LRRIQ1: variants seen among roughly 807,000 people sequenced by gnomAD.
The protein encoded by LRRIQ1 is leucine-rich repeat- and IQ domain-containing protein 1.
In LRRIQ1, 210 loss-of-function variants were observed where a neutral mutation model predicts 211.9. The observed-to-expected ratio is 0.99, with a 90% CI of 0.89 to 1.11. LRRIQ1 has a LOEUF of 1.11. LRRIQ1 is among the 50% of genes most tolerant of loss of function. The probability of loss-of-function intolerance (pLI) is 0.00; values close to 1 mark genes in which losing one functional copy is unlikely to be tolerated. For synonymous variants in LRRIQ1, 699 were observed against 650.1 expected, an observed-to-expected ratio of 1.08 and a Z score of -1.14; for missense variants, 2,136 against 1,939.5, an observed-to-expected ratio of 1.10 and a Z score of -1.90.
chr12:85,086,456 G>A (rs1884827589), intron 11 of LRRIQ1, among the ~76,000 whole-genome samples: 1 of 152,042 alleles, frequency 6.6e-6, no homozygotes, highest in Non-Finnish European at 1.5e-5. Context: ...CATGTGACAT[G>A]CCTGCTCCCC....
intron 18 of LRRIQ1, among the ~76,000 whole-genome samples, chr12:85,134,144 A>G (rs1259340415): frequency 6.6e-6 from 1 of 152,126 alleles, no homozygotes; most frequent in African/African-American, 2.4e-5. Flanking sequence ...CCACTGCAGA[A>G]ATCTTGCTCT....
At chr12:85,133,234 A>G (rs1328224614) in intron 18 of LRRIQ1, among the ~76,000 whole-genome samples, 1 of 152,156 alleles carries the variant, frequency 6.6e-6, no homozygotes, top group Middle Eastern at 3.2e-3. Flanking sequence ...AATAATTTTG[A>G]CCTTTCTTGA....
At chr12:85,272,595 C>A in the LRRIQ1 span, among the ~76,000 whole-genome samples, 4 of 147,520 alleles carry the variant, frequency 2.7e-5, no homozygotes, top group East Asian at 2.0e-4. Context: ...TTTTTTTTTT[C>A]TTTTGGTAAC....
intron 10 of LRRIQ1, among the ~76,000 whole-genome samples, chr12:85,071,819 A>AT (rs1449068844): frequency 6.6e-6 from 1 of 152,002 alleles, no homozygotes; most frequent in Non-Finnish European, 1.5e-5. Context: ...ATCTTGTGAG[A>AT]CTTATTCACT....
At chr12:85,102,959 A>AATATATATATATATATATATATAT (rs1197049295) in intron 13 of LRRIQ1, among the ~76,000 whole-genome samples, 1 of 108,498 alleles carries the variant, frequency 9.2e-6, no homozygotes, top group African/African-American at 4.2e-5. Context: ...AAAAAAAAAA[A>AATATATATATATATATATATATAT]ATATATATAT....
At chr12:85,188,711 G>A (rs1037552270) in intron 24 of LRRIQ1, among the ~76,000 whole-genome samples, 5 of 152,022 alleles carry the variant, frequency 3.3e-5, no homozygotes, top group African/African-American at 1.2e-4. Context: ...AAAACCCCTT[G>A]CAAGTTTACA....
chr12:85,127,711 AT>A, intron 17 of LRRIQ1, 120 bp from the exon 18 acceptor site: 1 of 779,000 alleles, frequency 1.3e-6, no homozygotes, highest in Non-Finnish European at 2.0e-6. Context: ...AAGTGGTCTT[AT>A]TTTTAAATAA....
downstream of LRRIQ1, among the ~76,000 whole-genome samples, chr12:85,246,901 G>T (rs1895736896): frequency 6.6e-6 from 1 of 151,308 alleles, no homozygotes; most frequent in Non-Finnish European, 1.5e-5. Flanking sequence ...TGGTCTCTGA[G>T]GTCAATTTGC....
intron 13 of LRRIQ1, among the ~76,000 whole-genome samples, chr12:85,102,959 A>AATATATAT (rs1197049295): frequency 2.5e-4 from 27 of 108,456 alleles, no homozygotes; most frequent in African/African-American, 1.0e-3. Flanking sequence ...AAAAAAAAAA[A>AATATATAT]ATATATATAT....
chr12:85,046,559 C>A (rs1879611053), intron 5 of LRRIQ1, among the ~76,000 whole-genome samples: 2 of 152,144 alleles, frequency 1.3e-5, no homozygotes, highest in Non-Finnish European at 2.9e-5. Flanking sequence ...CATATTCTCG[C>A]TTTGGGAATA....
At chr12:85,121,605 T>A (rs960982492) in intron 15 of LRRIQ1, 92 bp from the exon 16 acceptor site, 1 of 878,072 alleles carries the variant, frequency 1.1e-6, no homozygotes, top group African/African-American at 1.7e-5. Context: ...TATCCTATGC[T>A]TGTATTATTT....
At chr12:85,098,327 A>AGGTG (rs1334522967) in intron 11 of LRRIQ1, 28 bp from the exon 12 acceptor site, 2 of 1,459,142 alleles carry the variant, frequency 1.4e-6, no homozygotes, top group African/African-American at 2.8e-5. Context: ...TGTATGACAC[A>AGGTG]GGTGATCTTA....
chr12:85,255,285 G>A (rs542370104), intron 1 of LRRIQ1, among the ~76,000 whole-genome samples: 1 of 151,896 alleles, frequency 6.6e-6, no homozygotes, highest in South Asian at 2.1e-4. Context: ...AAATTTGTAA[G>A]TGATGCCATT....
At chr12:85,109,041 G>T (rs1235086304) in intron 15 of LRRIQ1, among the ~76,000 whole-genome samples, 1 of 152,046 alleles carries the variant, frequency 6.6e-6, no homozygotes, top group Admixed American at 6.6e-5. Flanking sequence ...GCCCTGATTT[G>T]GTTTCTCTGC....
chr12:85,081,494 G>A (rs1884282219), intron 11 of LRRIQ1, among the ~76,000 whole-genome samples: 2 of 150,466 alleles, frequency 1.3e-5, no homozygotes, highest in Admixed American at 1.3e-4. Context: ...TCCTTTAGTA[G>A]CTATATACTT....
intron 11 of LRRIQ1, among the ~76,000 whole-genome samples, chr12:85,091,576 C>T (rs187490987): frequency 2.0e-5 from 3 of 152,182 alleles, no homozygotes; most frequent in Admixed American, 6.5e-5. Flanking sequence ...AATTTTTTGA[C>T]AAGGCTGATA....
chr12:85,239,287 G>T (rs923727772), intron 26 of LRRIQ1, among the ~76,000 whole-genome samples: 1 of 150,200 alleles, frequency 6.7e-6, no homozygotes, highest in East Asian at 2.0e-4. Context: ...CTTGAAAAAA[G>T]AATAGTAAGA....
chr12:85,082,751 G>C (rs907842244), intron 11 of LRRIQ1, among the ~76,000 whole-genome samples: 2 of 152,114 alleles, frequency 1.3e-5, no homozygotes, highest in Non-Finnish European at 2.9e-5. Context: ...TAACTCTTAT[G>C]ATACCATATT....
At chr12:85,108,062 C>G (rs1183094722) in intron 15 of LRRIQ1, among the ~76,000 whole-genome samples, 1 of 152,030 alleles carries the variant, frequency 6.6e-6, no homozygotes, top group African/African-American at 2.4e-5. Flanking sequence ...TCATATTTCT[C>G]TGCTTCATTG....
Sources: allele counts gnomAD v4.1 joint callset (sites outside exome capture counted in the v4.1 genomes callset), GRCh38; gene constraint gnomAD v4.1.1; transcripts MANE v1.5; gene names NCBI Gene and HGNC (gene_info 2026-07-23, HGNC 2026-07-21).